The following RAB10 variants were observed in gnomAD, a reference collection of about 807,000 sequenced individuals.
RAB10 encodes the protein RAB10, member RAS oncogene family.
Under a neutral mutation model 25.7 loss-of-function variants are expected in RAB10, and 5 were observed. That is an observed-to-expected ratio of 0.19 (90% CI 0.10 to 0.41). The LOEUF (loss-of-function observed/expected upper bound fraction) is 0.41, where lower values mean the gene tolerates loss of function less well. RAB10 is among the 10% of genes least tolerant of loss of function. The pLI, the probability that RAB10 is intolerant of heterozygous loss-of-function variation, is 1.00. For missense variants in RAB10, 103 were observed against 245.8 expected, an observed-to-expected ratio of 0.42 and a Z score of 3.89; for synonymous variants, 89 against 86.4, an observed-to-expected ratio of 1.03 and a Z score of -0.16.
chr2:26,128,253 C>G (rs754832109), intron 5 of RAB10, among the ~76,000 whole-genome samples: 1 of 152,200 alleles, frequency 6.6e-6, no homozygotes, highest in Non-Finnish European at 1.5e-5. Flanking sequence ...GGGGTTTGCA[C>G]TCCTATGAGA....
intron 1 of RAB10, chr2:26,098,421 G>A: frequency 4.6e-6 from 2 of 432,818 alleles, no homozygotes; most frequent in Non-Finnish European, 8.2e-6. Flanking sequence ...TTAGAGGCGT[G>A]AGCCACCATG....
At chr2:26,121,477 C>T (rs1265941883) in intron 3 of RAB10, among the ~76,000 whole-genome samples, 1 of 152,100 alleles carries the variant, frequency 6.6e-6, no homozygotes, top group Non-Finnish European at 1.5e-5. Context: ...TGCCACCACA[C>T]CCAGCTCTAT....
At chr2:26,058,338 ACTC>A (rs1443932812) in intron 1 of RAB10, among the ~76,000 whole-genome samples, 2 of 151,914 alleles carry the variant, frequency 1.3e-5, no homozygotes, top group Admixed American at 6.6e-5. Flanking sequence ...TCACTCTTCT[ACTC>A]CTCTGCTTAG....
intron 1 of RAB10, among the ~76,000 whole-genome samples, chr2:26,097,241 A>G (rs1214120985): frequency 1.3e-5 from 2 of 152,012 alleles, no homozygotes; most frequent in African/African-American, 4.8e-5. Flanking sequence ...AAAACCAGAA[A>G]ATGAAAACAT....
chr2:26,086,819 C>T (rs1316683374), intron 1 of RAB10, among the ~76,000 whole-genome samples: 1 of 152,178 alleles, frequency 6.6e-6, no homozygotes, highest in African/African-American at 2.4e-5. Context: ...CTAATATGTG[C>T]TGCATAATAC....
chr2:26,060,859 A>C (rs1305601322), intron 1 of RAB10, among the ~76,000 whole-genome samples: 4 of 152,130 alleles, frequency 2.6e-5, no homozygotes, highest in Non-Finnish European at 5.9e-5. Flanking sequence ...TGCTGGCCCG[A>C]CTTAAATGTC....
At chr2:26,116,981 T>C (rs1034586253) in intron 3 of RAB10, among the ~76,000 whole-genome samples, 1 of 152,152 alleles carries the variant, frequency 6.6e-6, no homozygotes, top group African/African-American at 2.4e-5. Flanking sequence ...TGTATTTCTT[T>C]AGCAAAAGGA....
chr2:26,040,556 G>T (rs1422213152), intron 1 of RAB10, among the ~76,000 whole-genome samples: 1 of 152,078 alleles, frequency 6.6e-6, no homozygotes, highest in Non-Finnish European at 1.5e-5. Context: ...TACAGGGGAG[G>T]CTGAGGTGGG....
intron 1 of RAB10, among the ~76,000 whole-genome samples, chr2:26,084,452 TGAG>T (rs1325611945): frequency 1.3e-5 from 2 of 152,244 alleles, no homozygotes; most frequent in African/African-American, 2.4e-5. Flanking sequence ...ATCGCAATAA[TGAG>T]GAAATCATGT....
In RAB10 at chr2:26,102,963, A is replaced by G. The variant is rs1047800883; in HGVS notation, c.188+4241A>G. 1.5e-4 allele frequency among the ~76,000 whole-genome samples: 23 copies of G among 152,220 alleles called. 1 individual carries two copies. The highest frequency in any genetic ancestry group is 4.8e-4 in the African/African-American group (20 of 41,460). On this transcript the variant is annotated intron_variant, in intron 2 of 5. Coordinates refer to ENST00000264710, the MANE Select transcript of RAB10 (RefSeq NM_016131.5). ...ATTTAGAGCATTGTTAGGACATCTT[A>G]AAAACATAGAATGAAATTTTGAGTC...
chr2:26,115,306 T>C (rs979593939), intron 3 of RAB10, among the ~76,000 whole-genome samples: 2 of 102,680 alleles, frequency 1.9e-5, no homozygotes, highest in Non-Finnish European at 4.1e-5. Context: ...GCAGCATTGT[T>C]CACAATAGCC....
At chr2:26,105,023 C>T (rs1332357904) in intron 2 of RAB10, among the ~76,000 whole-genome samples, 1 of 152,144 alleles carries the variant, frequency 6.6e-6, no homozygotes, top group African/African-American at 2.4e-5. Flanking sequence ...AGGCGTGAGC[C>T]ACCGCGCCCT....
At position 26,082,194 on chromosome 2, in the gene RAB10, A is replaced by G. The variant is rs559201539; in HGVS notation, c.128-16468A>G. On this transcript the variant is annotated intron_variant, in intron 1 of 5. Coordinates refer to ENST00000264710, the MANE Select transcript of RAB10 (RefSeq NM_016131.5). ...AAACAATAATAGCCCAATGATGGGA[A>G]GGGGAAAAAATGGAAGTATAATTCT... Among the ~76,000 whole-genome samples the G allele has an allele frequency of 1.4e-4, 22 of 152,246 alleles. 1 individual carries two copies. The highest frequency in any genetic ancestry group is 6.2e-4 in the South Asian group (3 of 4,832).
chr2:26,105,232 A>G (rs1393640141), intron 2 of RAB10, among the ~76,000 whole-genome samples: 1 of 152,180 alleles, frequency 6.6e-6, no homozygotes, highest in Admixed American at 6.5e-5. Context: ...GTGTGTGGAG[A>G]ACGGCAGTCC....
At chr2:26,079,871 G>A (rs778995815) in intron 1 of RAB10, among the ~76,000 whole-genome samples, 11 of 152,072 alleles carry the variant, frequency 7.2e-5, no homozygotes, top group Non-Finnish European at 1.6e-4. Flanking sequence ...TCATTATGTT[G>A]CCCAGGCTGA....
chr2:26,037,180 A>C lies in RAB10; in HGVS notation c.127+2445A>C, dbSNP rs142126310. Among the ~76,000 whole-genome samples, 869 of 152,306 alleles carry C rather than the reference A, an allele frequency of 5.7e-3. 3 individuals are homozygous for C. The highest frequency in any genetic ancestry group is 9.5e-3 in the Non-Finnish European group (648 of 68,032). On this transcript the variant is annotated intron_variant, in intron 1 of 5. Coordinates refer to ENST00000264710, the MANE Select transcript of RAB10 (RefSeq NM_016131.5). ...TGTAAAGGGTGCATGCCCCCAACTA[A>C]AACTCAATCCTGTAAGATAATGGTA...
At position 26,085,488 on chromosome 2, in the gene RAB10, C is replaced by CAAA. The variant is rs530578914; in HGVS notation, c.128-13158_128-13156dup. On this transcript the variant is annotated intron_variant, in intron 1 of 5. Coordinates refer to ENST00000264710, the MANE Select transcript of RAB10 (RefSeq NM_016131.5). The stretch of plus-strand genomic sequence containing the variant: ...TGGGTGGCAGAGCAAGACTGTGTCT[C>CAAA]AAAAAAAAAAAAAAAAAAGTTATGC... Among the ~76,000 whole-genome samples, 5 of 81,708 alleles carry CAAA rather than the reference C, an allele frequency of 6.1e-5. No individual in the cohort carries two copies. The South Asian group carries it at 1.2e-3, about 20-fold the overall frequency. The allele number at this position is 81,708 out of a possible 152,430, so 53.6% of individuals were successfully genotyped here. A position where few individuals can be genotyped will look rare whatever the true frequency, so the allele number is the denominator to read the frequency against.
At chr2:26,092,529 T>C (rs1182215692) in intron 1 of RAB10, among the ~76,000 whole-genome samples, 3 of 152,130 alleles carry the variant, frequency 2.0e-5, no homozygotes, top group Non-Finnish European at 4.4e-5. Flanking sequence ...TAGTTGTGAT[T>C]ATTGACTAGA....
chr2:26,033,768 G>A (rs1223108974), upstream of RAB10, among the ~76,000 whole-genome samples: 1 of 152,114 alleles, frequency 6.6e-6, no homozygotes. Context: ...GGGTGTCCCG[G>A]GGAGCGGGGA....
Sources: gnomAD v4.1 joint callset for allele counts (sites outside exome capture counted in the v4.1 genomes callset) on GRCh38, gnomAD v4.1.1 for gene constraint, MANE v1.5 for transcripts, NCBI Gene and HGNC (gene_info 2026-07-23, HGNC 2026-07-21) for gene names.